The following SIGLEC5 variants were observed in gnomAD, a reference collection of about 807,000 sequenced individuals.
SIGLEC5 encodes sialic acid binding Ig like lectin 5.
SIGLEC5 carries 34 observed loss-of-function variants against 45.9 expected under a neutral mutation model. The observed-to-expected ratio is 0.74, with a 90% CI of 0.56 to 0.99. The LOEUF (loss-of-function observed/expected upper bound fraction) is 0.99, where lower values mean the gene tolerates loss of function less well. SIGLEC5 is among the 50% of genes least tolerant of loss of function. SIGLEC5 has a pLI of 0.00. For synonymous variants in SIGLEC5, 203 were observed against 258.6 expected (o/e 0.79, Z 2.06); for missense variants, 508 against 629.6 (o/e 0.81, Z 2.07).
At chr19:51,627,796 T>C (rs1274074743) in intron 5 of SIGLEC5, 38 bp downstream of exon 5, 2 of 1,576,218 alleles carry the variant, frequency 1.3e-6, no homozygotes, top group Non-Finnish European at 1.7e-6. Context: ...CCTTCTTTAA[T>C]ACCATGCAGT....
Position 51,629,084 on chromosome 19 carries a change from A to T in SIGLEC5, c.701-8T>A. ...TGATGGTCTGTGGAGCATCTGGGAT[A>T]AAAAGATATAAACTTGGCTTCAGCA... On this transcript the variant is annotated splice_region_variant and splice_polypyrimidine_tract_variant and intron_variant, in intron 3 of 8. Coordinates refer to ENST00000683636, the MANE Select transcript of SIGLEC5 (RefSeq NM_003830.4). 1 of 1,613,708 alleles carries T rather than the reference A, an allele frequency of 6.2e-7. No individual in the cohort carries two copies.
chr19:51,616,582 A>C (rs1237542190), intron 8 of SIGLEC5, among the ~76,000 whole-genome samples: 1 of 152,118 alleles, frequency 6.6e-6, no homozygotes, highest in Non-Finnish European at 1.5e-5. Flanking sequence ...GAAGACTAGA[A>C]CATATGAGAA....
rs764515184 is a variant in SIGLEC5 at position 51,629,833 on chromosome 19, C to A, written c.421G>T (p.Ala141Ser). 41 of 1,350,678 alleles carry A rather than the reference C, an allele frequency of 3.0e-5. No homozygotes were observed. In the South Asian group the frequency reaches 4.4e-4, roughly 15 times the overall value. 83.7% of individuals were successfully genotyped at this position (1,350,678 alleles called of 1,614,324 possible). Residue 141 changes from alanine to serine, a missense_variant and splice_region_variant, in exon 2 of 9, where the codon GCC becomes TCC. By Grantham distance (99) the Ala-to-Ser change is moderately conservative. This residue lies in a region of SIGLEC5 where 77 missense variants were observed against 200.8 expected (regional missense o/e 0.38). Transcript: ENST00000683636. ...TCCTCTCCTGGGGTCCCTGCCATAC[C>A]TGTCACCTCCAAGTTCAGCTTATTC... ...QQNKLNLEVT[A>S]LIEKPDIHFL... is the part of the protein sequence containing the mutation.
In SIGLEC5 at chr19:51,629,433, T is replaced by G; in HGVS notation, c.625A>C (p.Thr209Pro). ...TLTPRPEDHG[T>P]NLTCQMKRQG... ...CGTTTCATCTGACAGGTGAGGTTGG[T>G]GCCATGGTCCTCGGGCCTGGGGGTG... Residue 209 changes from threonine (T) to proline (P), a missense_variant, in exon 3 of 9, where the codon ACC (threonine) becomes CCC (proline). By Grantham distance (38) the Thr-to-Pro change is conservative. Around this residue, in one of 2 missense-constraint regions of SIGLEC5, gnomAD observed 431 missense variants for 428.8 expected, o/e 1.01. Coordinates refer to ENST00000683636, the MANE Select transcript of SIGLEC5 (RefSeq NM_003830.4). 1 of 1,613,644 alleles carries G rather than the reference T, an allele frequency of 6.2e-7. No individual in the cohort carries two copies.
At chr19:51,620,793 T>C (rs1382119821) in intron 8 of SIGLEC5, among the ~76,000 whole-genome samples, 1 of 152,192 alleles carries the variant, frequency 6.6e-6, no homozygotes, top group Non-Finnish European at 1.5e-5. Context: ...TTGCAGATGA[T>C]ATAATCATCT....
intron 8 of SIGLEC5, among the ~76,000 whole-genome samples, chr19:51,623,214 A>C (rs1006111070): frequency 6.6e-6 from 1 of 152,202 alleles, no homozygotes; most frequent in African/African-American, 2.4e-5. Flanking sequence ...TTTTAGTAGA[A>C]ACTATATTTG....
At chr19:51,619,159 C>T (rs1983186405) in intron 8 of SIGLEC5, among the ~76,000 whole-genome samples, 1 of 152,178 alleles carries the variant, frequency 6.6e-6, no homozygotes, top group Non-Finnish European at 1.5e-5. Flanking sequence ...ACTGCAACCT[C>T]CACCTCCTGG....
chr19:51,620,221 T>G (rs1983232026), intron 8 of SIGLEC5, among the ~76,000 whole-genome samples: 1 of 152,104 alleles, frequency 6.6e-6, no homozygotes, highest in Admixed American at 6.5e-5. Context: ...AAACAAGTCA[T>G]TTCAGTTTTA....
chr19:51,623,896 T>C (rs560670435), intron 8 of SIGLEC5, among the ~76,000 whole-genome samples: 1 of 152,238 alleles, frequency 6.6e-6, no homozygotes, highest in East Asian at 1.9e-4. Context: ...TCATAAAATA[T>C]AATATTATAA....
intron 8 of SIGLEC5, chr19:51,621,262 A>G (rs549058500): frequency 6.6e-6 from 1 of 152,330 alleles, no homozygotes; most frequent in East Asian, 1.9e-4. Flanking sequence ...CCATCAATAT[A>G]GGAAAGAAAA....
intron 8 of SIGLEC5, among the ~76,000 whole-genome samples, chr19:51,620,158 T>C (rs895735831): frequency 4.6e-5 from 7 of 152,066 alleles, no homozygotes; most frequent in African/African-American, 1.7e-4. Context: ...TTGCACATAG[T>C]GACGCCACCA....
chr19:51,628,162 TC>T (rs1983575250), intron 4 of SIGLEC5, 71 bp from the exon 5 acceptor site: 1 of 1,441,986 alleles, frequency 6.9e-7, no homozygotes, highest in East Asian at 2.5e-5. Context: ...CTTCCCTCCT[TC>T]CCAGGATCCA....
At chr19:51,615,940 C>A (rs948471424) in intron 8 of SIGLEC5, among the ~76,000 whole-genome samples, 1 of 152,186 alleles carries the variant, frequency 6.6e-6, no homozygotes, top group East Asian at 1.9e-4. Flanking sequence ...CCACACCTGG[C>A]TAATTTTGTA....
chr19:51,624,009 A>G (rs942793714), intron 8 of SIGLEC5, among the ~76,000 whole-genome samples: 5 of 151,988 alleles, frequency 3.3e-5, no homozygotes, highest in Non-Finnish European at 5.9e-5. Flanking sequence ...AAATGCAAAA[A>G]TGAGCCTTGC....
rs1982851556 is a variant in SIGLEC5 at position 51,611,567 on chromosome 19, T to C, written c.*664A>G. Among the ~76,000 whole-genome samples the C allele has an allele frequency of 6.6e-6, 1 of 152,150 alleles. No individual in the cohort carries two copies. Among genetic ancestry groups the C allele is most frequent in the South Asian group, 2.1e-4 (1 of 4,828 alleles). On this transcript the variant is annotated 3_prime_UTR_variant, in exon 9 of 9. Transcript: ENST00000683636. ...TAAGGCCAGGGGGCCGTGAATGGGT[T>C]TGGGCAGGAAAGAGTTAGACTCAAC...
intron 4 of SIGLEC5, among the ~76,000 whole-genome samples, chr19:51,628,768 G>A (rs1169725606): frequency 8.6e-5 from 8 of 93,084 alleles, no homozygotes; most frequent in South Asian, 6.1e-4. Context: ...GTGTATGTGC[G>A]TGTGTGTGTG....
chr19:51,630,355 C>T lies in SIGLEC5; in HGVS notation c.-20G>A, dbSNP rs1051277054. 9 of 601,332 alleles carry T rather than the reference C, an allele frequency of 1.5e-5. No homozygotes were observed. In the Admixed American group the frequency reaches 2.5e-4, roughly 16 times the overall value. 37.2% of individuals were successfully genotyped at this position (601,332 alleles called of 1,614,324 possible). On this transcript the variant is annotated 5_prime_UTR_variant, in exon 1 of 9. Transcript: ENST00000683636. ...CAGCATGTCTCCATCCGCCAGGGCC[C>T]CAGCCCAGTCCCAGGTCCGGCTGTC...
Position 51,612,255 on chromosome 19 carries a change from G to A in SIGLEC5, c.1632C>T (p.Tyr544=), listed in dbSNP as rs773958447. The change falls in exon 9 of 9, where the codon TAC becomes TAT. Residue 544 remains tyrosine (Y), a synonymous_variant. Transcript: ENST00000683636. ...CTCACTTGCTTGTCTTGATCTCCGA[G>A]TACTCCGTGGTGCTTGGGGCCTCCT... ...KDQEAPSTTE[Y]SEIKTSK is the part of the protein sequence containing the mutation. 12 of 1,605,740 alleles carry A rather than the reference G, an allele frequency of 7.5e-6. No individual in the cohort carries two copies. Among genetic ancestry groups the A allele is most frequent in the Non-Finnish European group, 1.0e-5 (12 of 1,175,056 alleles).
At chr19:51,620,020 A>G (rs1983222211) in intron 8 of SIGLEC5, among the ~76,000 whole-genome samples, 1 of 150,626 alleles carries the variant, frequency 6.6e-6, no homozygotes, top group African/African-American at 2.4e-5. Flanking sequence ...AACAAATAAT[A>G]TAAAGACAAA....
Sources: gnomAD v4.1 joint callset for allele counts (sites outside exome capture counted in the v4.1 genomes callset) on GRCh38, gnomAD v4.1.1 for gene constraint, gnomAD v4.1.1 regional missense constraint, MANE v1.5 for transcripts, NCBI Gene and HGNC (gene_info 2026-07-23, HGNC 2026-07-21) for gene names.